Variants in XKR4 observed in about 807,000 individuals in gnomAD.
The protein encoded by XKR4 is XK related 4.
XKR4 carries 12 observed loss-of-function variants against 53.9 expected under a neutral mutation model. That is an observed-to-expected ratio of 0.22 (90% CI 0.14 to 0.36). The LOEUF (loss-of-function observed/expected upper bound fraction) is 0.36, where lower values mean the gene tolerates loss of function less well. XKR4 is among the 10% of genes least tolerant of loss of function. XKR4 has a pLI of 1.00. For synonymous variants in XKR4, 354 were observed against 362.4 expected (o/e 0.98, Z 0.26); for missense variants, 799 against 859.5 (o/e 0.93, Z 0.88).
chr8:55,445,026 A>G (rs1310598112), intron 2 of XKR4, among the ~76,000 whole-genome samples: 3 of 152,078 alleles, frequency 2.0e-5, no homozygotes, highest in Non-Finnish European at 4.4e-5. Flanking sequence ...CCACAGCTAT[A>G]TTGACATGTA....
intron 1 of XKR4, among the ~76,000 whole-genome samples, chr8:55,138,469 T>C (rs181042294): frequency 9.9e-4 from 150 of 152,246 alleles, no homozygotes; most frequent in African/African-American, 3.5e-3. Context: ...CAGAAAAAAA[T>C]AGAATAGATA....
rs1423393736 is a variant in XKR4, at chr8:55,136,270, ATGTGCCTGGGG to A, written c.806+32979_806+32989del. ...TTTTATAATCAAGACACATTGTTGGATGTGCCTGGGGTGAGCAGGGAATTATTTTGGCAGCA... is the reference window on the plus strand; with the variant it reads ...TTTTATAATCAAGACACATTGTTGGATGAGCAGGGAATTATTTTGGCAGCA... On this transcript the variant is annotated intron_variant, in intron 1 of 2. Transcript: ENST00000327381. Among the ~76,000 whole-genome samples, 20 of 152,204 alleles carry A rather than the reference ATGTGCCTGGGG, an allele frequency of 1.3e-4. 1 individual carries two copies. The East Asian group carries it at 3.9e-3, about 29-fold the overall frequency.
intron 1 of XKR4, among the ~76,000 whole-genome samples, chr8:55,303,382 T>A (rs1327177772): frequency 6.6e-6 from 1 of 152,230 alleles, no homozygotes; most frequent in African/African-American, 2.4e-5. Context: ...TTTGATGTGC[T>A]GCTGGATTCG....
At chr8:55,335,607 C>T (rs1277022869) in intron 1 of XKR4, among the ~76,000 whole-genome samples, 1 of 152,134 alleles carries the variant, frequency 6.6e-6, no homozygotes, top group Non-Finnish European at 1.5e-5. Context: ...CCTATGTTCA[C>T]ACAAAATCCT....
At chr8:55,518,096 G>A (rs1490643347) in intron 2 of XKR4, among the ~76,000 whole-genome samples, 2 of 152,174 alleles carry the variant, frequency 1.3e-5, no homozygotes, top group African/African-American at 4.8e-5. Flanking sequence ...AAGAATTCGA[G>A]CACTTGGTTA....
intron 2 of XKR4, among the ~76,000 whole-genome samples, chr8:55,401,979 C>A (rs756322903): frequency 5.9e-5 from 9 of 152,022 alleles, no homozygotes; most frequent in Non-Finnish European, 1.2e-4. Context: ...ACTATTGATA[C>A]AAAAAAATTA....
intron 2 of XKR4, among the ~76,000 whole-genome samples, chr8:55,521,617 T>C (rs1485874659): frequency 6.6e-6 from 1 of 152,242 alleles, no homozygotes; most frequent in Non-Finnish European, 1.5e-5. Flanking sequence ...CTAGTTGTTC[T>C]GCTGGCTTTA....
At chr8:55,300,991 A>C (rs968914492) in intron 1 of XKR4, among the ~76,000 whole-genome samples, 36 of 151,948 alleles carry the variant, frequency 2.4e-4, no homozygotes, top group African/African-American at 8.5e-4. Flanking sequence ...TTATTTTTTT[A>C]TTTATTTTTT....
chr8:55,355,445 A>T (rs74840407), intron 1 of XKR4, among the ~76,000 whole-genome samples: 10,692 of 152,276 alleles, frequency 0.07, 1,075 homozygotes, highest in African/African-American at 0.22. Flanking sequence ...ATTAGAAAAA[A>T]TACTGAATGC....
chr8:55,218,833 C>G (rs1447297542), intron 1 of XKR4, among the ~76,000 whole-genome samples: 3 of 152,172 alleles, frequency 2.0e-5, no homozygotes, highest in African/African-American at 7.2e-5. Flanking sequence ...TTCCTCTCAT[C>G]TGCTCAGAAT....
intron 2 of XKR4, among the ~76,000 whole-genome samples, chr8:55,419,413 T>C (rs190118912): frequency 6.6e-6 from 1 of 152,280 alleles, no homozygotes; most frequent in Non-Finnish European, 1.5e-5. Flanking sequence ...CAACACCTCA[T>C]TGGTATTCCA....
chr8:55,372,313 A>T (rs1321571898), intron 2 of XKR4, among the ~76,000 whole-genome samples: 1 of 152,176 alleles, frequency 6.6e-6, no homozygotes, highest in Non-Finnish European at 1.5e-5. Context: ...CCTTAGAGGA[A>T]ACAGAAGCCC....
intron 2 of XKR4, among the ~76,000 whole-genome samples, chr8:55,426,504 A>G (rs1805015997): frequency 1.3e-5 from 2 of 152,264 alleles, no homozygotes; most frequent in Admixed American, 1.3e-4. Context: ...AGTCATATTT[A>G]ATTATCTTTT....
chr8:55,472,626 G>A (rs538070770), intron 2 of XKR4, among the ~76,000 whole-genome samples: 1 of 152,192 alleles, frequency 6.6e-6, no homozygotes, highest in Admixed American at 6.5e-5. Context: ...TGCAACTCCA[G>A]AGAGGAGCAC....
chr8:55,472,187 G>A (rs1382853750), intron 2 of XKR4, among the ~76,000 whole-genome samples: 1 of 152,050 alleles, frequency 6.6e-6, no homozygotes, highest in East Asian at 1.9e-4. Flanking sequence ...ACAGTTTTAG[G>A]GTCACTGGGA....
chr8:55,189,875 T>C (rs1817422716), intron 1 of XKR4, among the ~76,000 whole-genome samples: 1 of 152,192 alleles, frequency 6.6e-6, no homozygotes, highest in South Asian at 2.1e-4. Context: ...GGTGTTCACA[T>C]AGCCTAAAAA....
rs936183154 is a variant in XKR4, at chr8:55,529,290, G to A, written c.*5063G>A. The A allele has an allele frequency of 5.9e-5, 9 of 151,986 alleles. No individual in the cohort carries two copies. The highest frequency in any genetic ancestry group is 2.2e-4 in the African/African-American group (9 of 41,382). 9.4% of individuals were successfully genotyped at this position (151,986 alleles called of 1,614,324 possible). On this transcript the variant is annotated 3_prime_UTR_variant, in exon 3 of 3. Transcript: ENST00000327381. ...CCTGGCCCCCAAATGTAAAGCTTTT[G>A]TCAACCTTGAGGCCTATATTCTGCT...
chr8:55,120,737 A>G (rs1816379729), intron 1 of XKR4, among the ~76,000 whole-genome samples: 2 of 152,098 alleles, frequency 1.3e-5, no homozygotes, highest in Non-Finnish European at 2.9e-5. Flanking sequence ...ATTATCATGA[A>G]CTAAAGTCTA....
At chr8:55,517,749 C>T (rs2129405422) in intron 2 of XKR4, 1 of 152,282 alleles carries the variant, frequency 6.6e-6, no homozygotes, top group South Asian at 2.1e-4. Context: ...CCAAGCTGTC[C>T]TGAGAGAGTC....
Sources: gnomAD v4.1 joint callset for allele counts (sites outside exome capture counted in the v4.1 genomes callset) on GRCh38, gnomAD v4.1.1 for gene constraint, MANE v1.5 for transcripts, NCBI Gene and HGNC (gene_info 2026-07-23, HGNC 2026-07-21) for gene names.